The following CDH12 variants were observed in gnomAD, a reference collection of about 807,000 sequenced individuals.
CDH12 encodes the protein cadherin 12, also known as cadherin-12.
CDH12 carries 41 observed loss-of-function variants against 74.1 expected under a neutral mutation model. The observed-to-expected ratio is 0.55, with a 90% confidence interval of 0.43 to 0.72. The LOEUF (loss-of-function observed/expected upper bound fraction) is 0.72. CDH12 is among the 30% of genes least tolerant of loss of function. The pLI, the probability that CDH12 is intolerant of heterozygous loss-of-function variation, is 0.00. For missense variants in CDH12, 945 were observed against 977.2 expected, an observed-to-expected ratio of 0.97 and a Z score of 0.44; for synonymous variants, 399 against 355.0, an observed-to-expected ratio of 1.12 and a Z score of -1.39.
chr5:22,033,036 CAAA>C (rs11312264), intron 5 of CDH12, among the ~76,000 whole-genome samples: 67 of 111,900 alleles, frequency 6.0e-4, no homozygotes, highest in South Asian at 5.5e-3. Flanking sequence ...ATCTTGCTTC[CAAA>C]AAAAAAAAAA....
intron 1 of CDH12, among the ~76,000 whole-genome samples, chr5:22,827,030 G>T: frequency 6.6e-6 from 1 of 152,192 alleles, no homozygotes; most frequent in East Asian, 1.9e-4. Flanking sequence ...AGAGACCTTT[G>T]CAGCAGCCCC....
At chr5:22,466,563 G>A (rs1292700873) in intron 2 of CDH12, among the ~76,000 whole-genome samples, 1 of 152,082 alleles carries the variant, frequency 6.6e-6, no homozygotes, top group African/African-American at 2.4e-5. Flanking sequence ...ACGTGTGTAG[G>A]AGTAAAGGCA....
intron 5 of CDH12, among the ~76,000 whole-genome samples, chr5:22,046,430 CTTTTTT>C (rs11323330): frequency 5.8e-4 from 58 of 100,366 alleles, no homozygotes; most frequent in African/African-American, 2.3e-3. Flanking sequence ...CATTTAATTT[CTTTTTT>C]TTTTTTTTTT....
chr5:21,873,586 T>C (rs1751762578), intron 6 of CDH12, among the ~76,000 whole-genome samples: 1 of 152,176 alleles, frequency 6.6e-6, no homozygotes, highest in African/African-American at 2.4e-5. Context: ...TTTTGATAAT[T>C]TGAAACCATA....
chr5:22,363,016 G>A (rs1254865364), intron 3 of CDH12, among the ~76,000 whole-genome samples: 1 of 151,724 alleles, frequency 6.6e-6, no homozygotes. Context: ...CACCAACATG[G>A]CACATGTATA....
At chr5:22,655,874 A>G (rs1740008510) in intron 1 of CDH12, among the ~76,000 whole-genome samples, 1 of 152,200 alleles carries the variant, frequency 6.6e-6, no homozygotes, top group Admixed American at 6.5e-5. Flanking sequence ...TGACTTAATT[A>G]AACTTAATTA....
intron 5 of CDH12, among the ~76,000 whole-genome samples, chr5:22,059,393 A>G: frequency 1.4e-5 from 1 of 69,476 alleles, no homozygotes; most frequent in South Asian, 4.7e-4. Flanking sequence ...CTATCTATCT[A>G]TGTATCTACT....
rs144461242 is a variant in CDH12, at chr5:22,242,265, C to A, written c.-332-29622G>T. Among the ~76,000 whole-genome samples the A allele has an allele frequency of 3.6e-3, 542 of 152,292 alleles. 7 individuals carry two copies. The highest frequency in any genetic ancestry group is 0.012 in the African/African-American group (511 of 41,558). On this transcript the variant is annotated intron_variant, in intron 3 of 14. Coordinates refer to ENST00000382254, the MANE Select transcript of CDH12 (RefSeq NM_004061.5). ...CAAGCTTTTACTAAGATATTTACCA[C>A]TGGATGTTTAAACCATTTTGCCTAA...
chr5:22,078,313 C>A, intron 5 of CDH12, 133 bp downstream of exon 5: 1 of 710,712 alleles, frequency 1.4e-6, no homozygotes, highest in African/African-American at 1.8e-5. Context: ...GAAGATAAAC[C>A]AGGTCTCTTG....
chr5:22,727,115 AT>A (rs945224740), intron 1 of CDH12, among the ~76,000 whole-genome samples: 6 of 151,694 alleles, frequency 4.0e-5, no homozygotes, highest in African/African-American at 1.2e-4. Context: ...ATGAACATAA[AT>A]TTTTCACTCT....
rs537710118 is a variant in CDH12 at position 22,432,549 on chromosome 5, CTGTGTGTGTGTGCG to C, written c.-427-27212_-427-27199del. 3.3e-3 allele frequency among the ~76,000 whole-genome samples: 493 copies of C among 149,262 alleles called. 3 individuals are homozygous for C. The highest frequency in any genetic ancestry group is 0.011 in the African/African-American group (457 of 40,682). On this transcript the variant is annotated intron_variant, in intron 2 of 14. Transcript: ENST00000382254. ...TACACATATACACATATGTTTATGT[CTGTGTGTGTGTGCG>C]TGTGTGTGTGTGTGTATAAAATCTT... is the stretch of plus-strand genomic sequence containing the variant.
intron 6 of CDH12, among the ~76,000 whole-genome samples, chr5:21,972,268 A>G (rs895182713): frequency 2.0e-5 from 3 of 152,010 alleles, no homozygotes; most frequent in African/African-American, 4.8e-5. Flanking sequence ...TTTTTTGGAA[A>G]TGAAACAGAA....
chr5:22,263,852 A>T (rs900378748), intron 3 of CDH12, among the ~76,000 whole-genome samples: 3 of 152,190 alleles, frequency 2.0e-5, no homozygotes, highest in Admixed American at 2.0e-4. Flanking sequence ...AGTAATTGGC[A>T]AAAGGTGTCA....
At chr5:22,384,521 G>A (rs1741911389) in intron 3 of CDH12, among the ~76,000 whole-genome samples, 1 of 48,360 alleles carries the variant, frequency 2.1e-5, no homozygotes, top group Non-Finnish European at 4.6e-5. Context: ...GCGAAACTCC[G>A]TCTCAAAAAA....
intron 3 of CDH12, among the ~76,000 whole-genome samples, chr5:22,298,254 G>A (rs1737714176): frequency 6.6e-6 from 1 of 151,382 alleles, no homozygotes; most frequent in African/African-American, 2.4e-5. Context: ...ATGTGTATGT[G>A]TGTATATATA....
intron 1 of CDH12, among the ~76,000 whole-genome samples, chr5:22,610,462 T>C (rs981429030): frequency 2.0e-5 from 3 of 152,168 alleles, no homozygotes; most frequent in African/African-American, 7.2e-5. Flanking sequence ...TCTGCAGATG[T>C]AGGATAATGC....
intron 3 of CDH12, among the ~76,000 whole-genome samples, chr5:22,308,267 G>A (rs1738215580): frequency 6.6e-6 from 1 of 152,154 alleles, no homozygotes; most frequent in Admixed American, 6.5e-5. Context: ...TAAACAGGAT[G>A]TATTATAATT....
chr5:21,878,391 C>G (rs751096745), intron 6 of CDH12, among the ~76,000 whole-genome samples: 1 of 152,004 alleles, frequency 6.6e-6, no homozygotes, highest in Admixed American at 6.6e-5. Flanking sequence ...TCTCCAAATA[C>G]GTTTATTAAT....
chr5:21,996,477 T>G (rs1264989710), intron 5 of CDH12, among the ~76,000 whole-genome samples: 2 of 152,174 alleles, frequency 1.3e-5, no homozygotes, highest in Admixed American at 1.3e-4. Context: ...ATTTCACAAA[T>G]GAGGAAATTG....
Sources: gnomAD v4.1 joint callset for allele counts (sites outside exome capture counted in the v4.1 genomes callset) on GRCh38, gnomAD v4.1.1 for gene constraint, MANE v1.5 for transcripts, NCBI Gene and HGNC (gene_info 2026-07-23, HGNC 2026-07-21) for gene names.